Variants in C12orf42 observed in about 807,000 individuals in gnomAD.
The protein encoded by C12orf42 is uncharacterized protein C12orf42.
C12orf42 carries 25 observed loss-of-function variants against 21.6 expected under a neutral mutation model. The ratio of observed to expected loss-of-function variants is 1.16; its 90% CI spans 0.84 to 1.62. The LOEUF is 1.62. C12orf42 is among the 40% of genes most tolerant of loss of function. The pLI is 0.00. For synonymous variants in C12orf42, 174 were observed against 175.0 expected (o/e 0.99, Z 0.05); for missense variants, 483 against 459.3 (o/e 1.05, Z -0.47).
the C12orf42 span, among the ~76,000 whole-genome samples, chr12:103,069,822 G>C: frequency 2.0e-5 from 3 of 152,086 alleles, no homozygotes; most frequent in Non-Finnish European, 4.4e-5. Context: ...ATAGAATTGC[G>C]GTTGAAGTAT....
the C12orf42 span, among the ~76,000 whole-genome samples, chr12:103,154,491 A>T: frequency 1.3e-5 from 2 of 150,398 alleles, no homozygotes; most frequent in Non-Finnish European, 1.5e-5. Flanking sequence ...ATTCCATCAA[A>T]TTTTTTTTTT....
chr12:103,209,142 G>A, the C12orf42 span, among the ~76,000 whole-genome samples: 1 of 151,980 alleles, frequency 6.6e-6, no homozygotes, highest in Middle Eastern at 3.4e-3. Flanking sequence ...AGCAGAACAC[G>A]AATATCAATT....
chr12:103,091,182 T>C, the C12orf42 span, among the ~76,000 whole-genome samples: 303 of 152,254 alleles, frequency 2.0e-3, 1 homozygote, highest in African/African-American at 7.1e-3. Context: ...GATTGGGAGC[T>C]GAATTAGGAT....
At chr12:103,313,087 T>C (rs1247764817) in intron 4 of C12orf42, among the ~76,000 whole-genome samples, 2 of 152,174 alleles carry the variant, frequency 1.3e-5, no homozygotes, top group Admixed American at 1.3e-4. Context: ...ATGTTCATGT[T>C]ATGAAAAAAC....
At chr12:103,522,533 C>T in the C12orf42 span, among the ~76,000 whole-genome samples, 1 of 152,170 alleles carries the variant, frequency 6.6e-6, no homozygotes, top group Non-Finnish European at 1.5e-5. Context: ...GCCATCCTGA[C>T]ACACGTGCAA....
At chr12:103,296,751 G>A (rs1260335533) in intron 4 of C12orf42, among the ~76,000 whole-genome samples, 1 of 152,178 alleles carries the variant, frequency 6.6e-6, no homozygotes, top group East Asian at 1.9e-4. Flanking sequence ...GTAGATTCTG[G>A]ATATTAGCCC....
At chr12:103,449,605 C>T (rs1372824192) in intron 2 of C12orf42, among the ~76,000 whole-genome samples, 1 of 151,856 alleles carries the variant, frequency 6.6e-6, no homozygotes, top group Non-Finnish European at 1.5e-5. Flanking sequence ...TGTCAAGTTT[C>T]CATATTCATG....
At chr12:103,232,479 C>T in the C12orf42 span, among the ~76,000 whole-genome samples, 227 of 152,070 alleles carry the variant, frequency 1.5e-3, 2 homozygotes, top group Non-Finnish European at 2.6e-3. Flanking sequence ...GAGGCCGAGG[C>T]GGGCGGATCA....
At chr12:103,347,487 C>T (rs2137378224) in intron 4 of C12orf42, among the ~76,000 whole-genome samples, 1 of 152,172 alleles carries the variant, frequency 6.6e-6, no homozygotes, top group South Asian at 2.1e-4. Flanking sequence ...GAAGTCTTTG[C>T]TATTGTGAAT....
chr12:103,294,854 C>G (rs943543003), intron 4 of C12orf42, among the ~76,000 whole-genome samples: 1 of 152,086 alleles, frequency 6.6e-6, no homozygotes, highest in Non-Finnish European at 1.5e-5. Flanking sequence ...TATGTCATAA[C>G]CCAGGTATTA....
At chr12:103,405,914 C>T (rs2048392645) in intron 2 of C12orf42, among the ~76,000 whole-genome samples, 3 of 152,120 alleles carry the variant, frequency 2.0e-5, no homozygotes, top group Non-Finnish European at 2.9e-5. Flanking sequence ...TTCTCACTTA[C>T]TTGAACCCTT....
chr12:103,221,252 C>T, the C12orf42 span, among the ~76,000 whole-genome samples: 4 of 152,032 alleles, frequency 2.6e-5, no homozygotes, highest in Non-Finnish European at 5.9e-5. Flanking sequence ...GTTTTTATGC[C>T]ACCATTTTTT....
Position 103,302,316 on chromosome 12 carries a change from G to A in C12orf42, c.875C>T (p.Pro292Leu), listed in dbSNP as rs1200810660. 5 of 1,613,860 alleles carry A rather than the reference G, an allele frequency of 3.1e-6. No homozygotes were observed. Among genetic ancestry groups the A allele is most frequent in the South Asian group, 2.2e-5 (2 of 91,084 alleles). ...PEMLPKHPHT[P>L]RDRRPQADTS... ...GTCCGCCTGAGGCCTCCTGTCCCGC[G>A]GGGTATGAGGATGCTTGGGGAGCAT... Residue 292 changes from proline to leucine, a missense_variant, in exon 6 of 6, where the codon CCG becomes CTG. Physicochemically the swap from Pro to Leu is moderately conservative, Grantham distance 98. Coordinates refer to ENST00000548883, the MANE Select transcript of C12orf42 (RefSeq NM_198521.5).
At chr12:103,363,695 T>A (rs1207020293) in intron 4 of C12orf42, among the ~76,000 whole-genome samples, 1 of 152,056 alleles carries the variant, frequency 6.6e-6, no homozygotes, top group Non-Finnish European at 1.5e-5. Flanking sequence ...AAATAGCTAT[T>A]GTTATATCAG....
intron 4 of C12orf42, among the ~76,000 whole-genome samples, chr12:103,288,015 G>T (rs908036273): frequency 3.9e-5 from 6 of 152,160 alleles, no homozygotes; most frequent in African/African-American, 1.4e-4. Context: ...ACCAAACAGC[G>T]AAAATAATTT....
the C12orf42 span, among the ~76,000 whole-genome samples, chr12:103,556,094 G>T: frequency 6.6e-6 from 1 of 152,162 alleles, no homozygotes; most frequent in Non-Finnish European, 1.5e-5. Flanking sequence ...GTCCTGTATT[G>T]CCTTCAGATA....
At chr12:103,068,644 G>C in the C12orf42 span, among the ~76,000 whole-genome samples, 1 of 151,790 alleles carries the variant, frequency 6.6e-6, no homozygotes, top group East Asian at 1.9e-4. Context: ...ATAATCAGCT[G>C]CCAGCATGGC....
intron 3 of C12orf42, among the ~76,000 whole-genome samples, chr12:103,378,351 A>G (rs2045886056): frequency 6.6e-6 from 1 of 152,102 alleles, no homozygotes; most frequent in Non-Finnish European, 1.5e-5. Context: ...GCGGTCCTGG[A>G]GTATCCATCC....
At chr12:103,310,574 T>C (rs945577404) in intron 4 of C12orf42, among the ~76,000 whole-genome samples, 1 of 152,236 alleles carries the variant, frequency 6.6e-6, no homozygotes, top group African/African-American at 2.4e-5. Context: ...CTTTGGCCTA[T>C]GCCAGCCTTG....
Sources: gnomAD v4.1 joint callset for allele counts (sites outside exome capture counted in the v4.1 genomes callset) on GRCh38, gnomAD v4.1.1 for gene constraint, MANE v1.5 for transcripts, NCBI Gene and HGNC (gene_info 2026-07-23, HGNC 2026-07-21) for gene names.